ZDHHC7: variants seen among roughly 807,000 people sequenced by gnomAD.
ZDHHC7 encodes palmitoyltransferase ZDHHC7.
ZDHHC7 carries 12 observed loss-of-function variants against 34.1 expected under a neutral mutation model. The ratio of observed to expected loss-of-function variants is 0.35; its 90% CI spans 0.23 to 0.57. ZDHHC7 has a LOEUF of 0.57. ZDHHC7 is among the 20% of genes least tolerant of loss of function. The pLI is 0.84. For missense variants in ZDHHC7, 388 were observed against 402.7 expected (o/e 0.96, Z 0.31); for synonymous variants, 185 against 155.4 (o/e 1.19, Z -1.42).
intron 6 of ZDHHC7, 95 bp from the exon 7 acceptor site, chr16:84,977,320 G>C: frequency 6.7e-7 from 1 of 1,498,288 alleles, no homozygotes; most frequent in Non-Finnish European, 9.0e-7. Context: ...CCAGCCCCTG[G>C]CCAGCTTCCA....
At chr16:85,015,247 C>A (rs1253446838), upstream of ZDHHC7, among the ~76,000 whole-genome samples, 1 of 151,828 alleles carries the variant, frequency 6.6e-6, no homozygotes, top group Admixed American at 6.6e-5. Context: ...TTACAGGCGC[C>A]CACCACCATG....
intron 1 of ZDHHC7, among the ~76,000 whole-genome samples, chr16:85,002,285 T>C (rs567338733): frequency 6.6e-6 from 1 of 151,706 alleles, no homozygotes; most frequent in Non-Finnish European, 1.5e-5. Context: ...AGGGACAGTT[T>C]CTAACGAGTG....
chr16:85,015,937 T>A (rs2072832303), upstream of ZDHHC7, among the ~76,000 whole-genome samples: 1 of 152,170 alleles, frequency 6.6e-6, no homozygotes, highest in African/African-American at 2.4e-5. Context: ...GAATTTGGTG[T>A]CATATGACAA....
At chr16:84,988,921 G>A (rs893463378) in intron 3 of ZDHHC7, 16 of 1,532,304 alleles carry the variant, frequency 1.0e-5, no homozygotes, top group Non-Finnish European at 1.3e-5. Context: ...ACCTGGCCCT[G>A]TAGCTGGCCC....
intron 1 of ZDHHC7, among the ~76,000 whole-genome samples, chr16:85,007,342 G>A (rs1175228126): frequency 2.0e-5 from 3 of 149,680 alleles, no homozygotes; most frequent in African/African-American, 7.4e-5. Flanking sequence ...AGAACCGCTT[G>A]AACCTGGGAG....
chr16:84,981,395 G>A (rs933001727), intron 4 of ZDHHC7, among the ~76,000 whole-genome samples: 2 of 152,264 alleles, frequency 1.3e-5, no homozygotes, highest in Admixed American at 6.5e-5. Flanking sequence ...TTGCTTCTAC[G>A]CTGCACCACC....
At chr16:84,991,624 G>A (rs945079690) in intron 2 of ZDHHC7, among the ~76,000 whole-genome samples, 2 of 150,010 alleles carry the variant, frequency 1.3e-5, no homozygotes, top group African/African-American at 4.9e-5. Flanking sequence ...TGTTTTTGTT[G>A]TTTTGGGAAC....
chr16:84,987,473 C>A (rs1392458010), intron 3 of ZDHHC7, among the ~76,000 whole-genome samples: 1 of 151,512 alleles, frequency 6.6e-6, no homozygotes, highest in African/African-American at 2.4e-5. Context: ...TCATTCCCTT[C>A]CCCACAAGAT....
At chr16:84,989,001 G>A (rs1447173348) in intron 3 of ZDHHC7, 3 of 919,914 alleles carry the variant, frequency 3.3e-6, no homozygotes, top group South Asian at 3.1e-5. Context: ...CAAGGAAGGA[G>A]AGGGCGGAGA....
intron 1 of ZDHHC7, among the ~76,000 whole-genome samples, chr16:85,000,329 C>G (rs1156984353): frequency 6.6e-6 from 1 of 152,146 alleles, no homozygotes; most frequent in Non-Finnish European, 1.5e-5. Context: ...GTTCCTGAGT[C>G]CAGACCCTGT....
At chr16:84,979,864 G>C (rs1371531707) in intron 4 of ZDHHC7, among the ~76,000 whole-genome samples, 1 of 151,050 alleles carries the variant, frequency 6.6e-6, no homozygotes, top group Non-Finnish European at 1.5e-5. Flanking sequence ...TTACTTTTTA[G>C]TCCAAGCTTG....
At chr16:85,024,677 G>C in the ZDHHC7 span, among the ~76,000 whole-genome samples, 4 of 143,098 alleles carry the variant, frequency 2.8e-5, no homozygotes, top group East Asian at 7.7e-4. Flanking sequence ...ATCCAGAAAC[G>C]ACCCTCCTTG....
At chr16:84,999,037 G>A (rs2072621017) in intron 1 of ZDHHC7, among the ~76,000 whole-genome samples, 1 of 152,298 alleles carries the variant, frequency 6.6e-6, no homozygotes, top group East Asian at 1.9e-4. Flanking sequence ...TTAGAGGCGT[G>A]AGCCACCGTG....
the ZDHHC7 span, among the ~76,000 whole-genome samples, chr16:85,025,315 G>A: frequency 6.6e-6 from 1 of 151,568 alleles, no homozygotes; most frequent in African/African-American, 2.4e-5. Flanking sequence ...ACTCAAAGGA[G>A]CAGTGAAGAG....
intron 1 of ZDHHC7, among the ~76,000 whole-genome samples, chr16:85,003,886 C>G (rs79519725): frequency 0.023 from 3,555 of 152,204 alleles, 69 homozygotes; most frequent in Middle Eastern, 0.065. Flanking sequence ...TCCCTTCCCC[C>G]TAGCCACACC....
rs1190140829 is a variant in ZDHHC7, at chr16:84,976,207, A to C, written c.*136T>G. 1 of 1,108,028 alleles carries C rather than the reference A, an allele frequency of 9.0e-7. No homozygotes were observed. The highest frequency in any genetic ancestry group is 1.3e-6 in the Non-Finnish European group (1 of 768,350). The allele number at this position is 1,108,028 out of a possible 1,614,324, so 68.6% of individuals were successfully genotyped here. On this transcript the variant is annotated 3_prime_UTR_variant, in exon 8 of 8. Coordinates refer to ENST00000313732, the MANE Select transcript of ZDHHC7 (RefSeq NM_017740.3). ...CCATCTGTGACTATAAATATATAAA[A>C]CTCTGCTTGCTGCAAGCAATTGGTT...
chr16:84,996,236 C>T (rs559592594), intron 1 of ZDHHC7, among the ~76,000 whole-genome samples: 1 of 152,240 alleles, frequency 6.6e-6, no homozygotes, highest in Non-Finnish European at 1.5e-5. Flanking sequence ...CATTTACCCT[C>T]CTGCTCTTTT....
rs781758062 is a variant in ZDHHC7, at chr16:84,979,255, A to G, written c.471T>C (p.Asp157=). 3 of 1,609,868 alleles carry G rather than the reference A, an allele frequency of 1.9e-6. No individual in the cohort carries two copies. Among genetic ancestry groups the G allele is most frequent in the African/African-American group, 1.3e-5 (1 of 74,814 alleles). Residue 157 remains aspartate, a synonymous_variant, in exon 5 of 8, where the codon GAT becomes GAC. Coordinates refer to ENST00000313732, the MANE Select transcript of ZDHHC7 (RefSeq NM_017740.3). ...AATTGTTCACCCACGGGCAGTGATGATCCATTTTCCGAATACATCTTTTGC... is the reference window on the plus strand; with the variant it reads ...AATTGTTCACCCACGGGCAGTGATGGTCCATTTTCCGAATACATCTTTTGC... ...SICKRCIRKM[D]HHCPWVNNCV...
At chr16:84,979,137 T>C in intron 5 of ZDHHC7, 52 bp downstream of exon 5, 1 of 1,545,118 alleles carries the variant, frequency 6.5e-7, no homozygotes, top group Non-Finnish European at 8.7e-7. Flanking sequence ...CAAGAAGCAG[T>C]TAAAGAATTT....
Sources: allele counts gnomAD v4.1 joint callset (sites outside exome capture counted in the v4.1 genomes callset), GRCh38; gene constraint gnomAD v4.1.1; transcripts MANE v1.5; gene names NCBI Gene and HGNC (gene_info 2026-07-23, HGNC 2026-07-21).